ACOX1: variants seen among roughly 807,000 people sequenced by gnomAD.
ACOX1 encodes peroxisomal acyl-coenzyme A oxidase 1.
In ACOX1, 41 loss-of-function variants were observed where a neutral mutation model predicts 75.5. The ratio of observed to expected loss-of-function variants is 0.54; its 90% confidence interval spans 0.42 to 0.70. The LOEUF is 0.70. Among genes scored for constraint, ACOX1 ranks in the 30% least tolerant of loss-of-function variants. ACOX1 has a pLI of 0.00. For missense variants in ACOX1, 630 were observed against 837.5 expected (o/e 0.75, Z 3.06); for synonymous variants, 303 against 298.8 (o/e 1.01, Z -0.15).
At chr17:75,952,538 C>A (rs1407808231) in intron 7 of ACOX1, among the ~76,000 whole-genome samples, 1 of 152,090 alleles carries the variant, frequency 6.6e-6, no homozygotes, top group Non-Finnish European at 1.5e-5. Context: ...AAGTGATCCA[C>A]CCGCTTTGGC....
intron 2 of ACOX1, among the ~76,000 whole-genome samples, chr17:75,969,832 G>C (rs543610187): frequency 1.8e-4 from 27 of 152,192 alleles, no homozygotes; most frequent in African/African-American, 6.5e-4. Flanking sequence ...CAGTCCATGG[G>C]TGAGGAATAA....
At chr17:75,967,671 C>CT (rs375436699) in intron 2 of ACOX1, among the ~76,000 whole-genome samples, 1 of 90,854 alleles carries the variant, frequency 1.1e-5, no homozygotes, top group Non-Finnish European at 2.0e-5. Flanking sequence ...CATATATATA[C>CT]ATATATATAC....
At chr17:75,954,664 T>C (rs1195896307) in intron 6 of ACOX1, among the ~76,000 whole-genome samples, 20 of 134,936 alleles carry the variant, frequency 1.5e-4, no homozygotes, top group South Asian at 5.8e-4. Context: ...CTCTGCCTCC[T>C]GGGTTCAAGC....
rs537644723 is a variant in ACOX1 at position 75,973,457 on chromosome 17, C to A, written c.269+5077G>T. ...GACGTTTATAGGCCAGAGCCCTGGACCAGTTTCCAGGGAAAATGTCTAGGA... is the reference window on the plus strand; with the variant it reads ...GACGTTTATAGGCCAGAGCCCTGGAACAGTTTCCAGGGAAAATGTCTAGGA... On this transcript the variant is annotated intron_variant, in intron 2 of 13. Transcript: ENST00000293217. The A allele has an allele frequency of 4.3e-4, 312 of 725,474 alleles. No homozygotes were observed. The African/African-American group carries it at 5.0e-3, about 12-fold the overall frequency. The allele number at this position is 725,474 out of a possible 1,614,324, so 44.9% of individuals were successfully genotyped here.
chr17:75,963,517 A>G, intron 2 of ACOX1, among the ~76,000 whole-genome samples: 1 of 151,202 alleles, frequency 6.6e-6, no homozygotes, highest in Admixed American at 6.6e-5. Context: ...CTGGCCAACA[A>G]GGTGAAACCC....
chr17:75,970,151 C>T (rs1374130395), intron 2 of ACOX1, among the ~76,000 whole-genome samples: 3 of 131,492 alleles, frequency 2.3e-5, no homozygotes, highest in African/African-American at 9.3e-5. Context: ...TGTACCATTG[C>T]ACCACTCCAG....
At chr17:75,966,739 G>A (rs1021987137) in intron 2 of ACOX1, among the ~76,000 whole-genome samples, 7 of 152,130 alleles carry the variant, frequency 4.6e-5, no homozygotes, top group South Asian at 2.1e-4. Flanking sequence ...GGCAGAGGTT[G>A]CAGTGAGCCA....
chr17:75,975,920 A>AAAAAGAAAGGAAAAGAAAG (rs1567890703), intron 2 of ACOX1, among the ~76,000 whole-genome samples: 1 of 151,856 alleles, frequency 6.6e-6, no homozygotes, highest in African/African-American at 2.4e-5. Flanking sequence ...AAAGAGAAAG[A>AAAAAGAAAGGAAAAGAAAG]AAAAGAAAGG....
rs1240079200 is a variant in ACOX1, at chr17:75,942,022, G to A, written c.*4726C>T. On this transcript the variant is annotated 3_prime_UTR_variant, in exon 14 of 14. Transcript: ENST00000293217. ...CAAAAACACCCTTGAATCTAGGAAT[G>A]TGCACATATGCAACAGCTAACATCT... The A allele has an allele frequency of 6.6e-6, 1 of 152,188 alleles. No homozygotes were observed. The highest frequency in any genetic ancestry group is 1.5e-5 in the Non-Finnish European group (1 of 68,032). 9.4% of individuals were successfully genotyped at this position (152,188 alleles called of 1,614,324 possible). A position where few individuals can be genotyped will look rare whatever the true frequency, so the allele number is the denominator to read the frequency against.
At chr17:75,952,830 C>CA (rs561945963) in intron 7 of ACOX1, among the ~76,000 whole-genome samples, 1,204 of 74,944 alleles carry the variant, frequency 0.016, 21 homozygotes, top group Admixed American at 0.06. Flanking sequence ...GAATCCATCT[C>CA]AAAAAAAAAA....
chr17:75,958,126 G>A (rs567380555), intron 3 of ACOX1, among the ~76,000 whole-genome samples: 27 of 151,946 alleles, frequency 1.8e-4, no homozygotes, highest in Non-Finnish European at 3.7e-4. Context: ...AGGCCGAGGC[G>A]GGTGGATCAC....
chr17:75,954,199 GA>G (rs2065800495), intron 6 of ACOX1, among the ~76,000 whole-genome samples: 1 of 146,218 alleles, frequency 6.8e-6, no homozygotes, highest in African/African-American at 2.6e-5. Flanking sequence ...CTGGGTGACA[GA>G]GCAAGACTCT....
intron 3 of ACOX1, among the ~76,000 whole-genome samples, chr17:75,958,724 C>T (rs796455205): frequency 1.7e-4 from 26 of 150,002 alleles, no homozygotes; most frequent in African/African-American, 2.5e-4. Context: ...AGGAGAATGG[C>T]GTGAACCCGG....
At position 75,975,946 on chromosome 17, in the gene ACOX1, AAAG is replaced by A. The variant is rs879691551; in HGVS notation, c.269+2585_269+2587del. On this transcript the variant is annotated intron_variant, in intron 2 of 13. Coordinates refer to ENST00000293217, the MANE Select transcript of ACOX1 (RefSeq NM_004035.7). ...AAAAGAAAGGAAAAGAAAGAAAAGA[AAAG>A]AAAGAAAGAAAGAAAAGAAAAGAAA... is the stretch of plus-strand genomic sequence containing the variant. 6.4e-3 allele frequency among the ~76,000 whole-genome samples: 867 copies of A among 136,260 alleles called. 4 individuals are homozygous for A. The highest frequency in any genetic ancestry group is 0.022 in the African/African-American group (839 of 37,638). The allele number at this position is 136,260 out of a possible 152,430, so 89.4% of individuals were successfully genotyped here.
chr17:75,951,626 G>A (rs755871582), intron 7 of ACOX1, 49 bp from the exon 8 acceptor site: 1 of 1,592,682 alleles, frequency 6.3e-7, no homozygotes, highest in South Asian at 1.1e-5. Flanking sequence ...TGTTTATACA[G>A]AACTTTCTAT....
At position 75,978,525 on chromosome 17, in the gene ACOX1, C is replaced by T; in HGVS notation, c.269+9G>A. On this transcript the variant is annotated intron_variant, in intron 2 of 13. Coordinates refer to ENST00000293217, the MANE Select transcript of ACOX1 (RefSeq NM_004035.7). The surrounding 1 kb of genome is among the most constrained non-coding windows in gnomAD (Gnocchi z 4.2). The stretch of plus-strand genomic sequence containing the variant: ...TAACAACACTTGCTCTGTTCTAAGG[C>T]ATACCTACTTTTTAAACCACATAAT... 6.2e-7 allele frequency: 1 copy of T among 1,614,168 alleles called. No homozygotes were observed. Among genetic ancestry groups the T allele is most frequent in the Non-Finnish European group, 8.5e-7 (1 of 1,180,022 alleles).
intron 7 of ACOX1, among the ~76,000 whole-genome samples, chr17:75,952,405 C>CTGCCTCAGTCTCCCGAGTAGCTGGAA (rs1410475596): frequency 1.4e-3 from 216 of 151,902 alleles, no homozygotes; most frequent in African/African-American, 5.0e-3. Context: ...AGTGATTCTC[C>CTGCCTCAGTCTCCCGAGTAGCTGGAA]TGCCTCAGTC....
At chr17:75,966,091 C>T (rs1324490770) in intron 2 of ACOX1, among the ~76,000 whole-genome samples, 2 of 151,354 alleles carry the variant, frequency 1.3e-5, no homozygotes, top group Non-Finnish European at 2.9e-5. Context: ...GATCATGCCA[C>T]TGCACTCCAG....
At chr17:75,951,335 T>C in intron 8 of ACOX1, 80 bp downstream of exon 8, 1 of 1,545,578 alleles carries the variant, frequency 6.5e-7, no homozygotes, top group Non-Finnish European at 8.9e-7. Flanking sequence ...AATACCAACA[T>C]TTAGTTATCT....
Sources: gnomAD v4.1 joint callset for allele counts (sites outside exome capture counted in the v4.1 genomes callset) on GRCh38, gnomAD v4.1.1 for gene constraint, Gnocchi (gnomAD v3.1) non-coding constraint, MANE v1.5 for transcripts, NCBI Gene and HGNC (gene_info 2026-07-23, HGNC 2026-07-21) for gene names.